The following PRMT3 variants were observed in gnomAD, a reference collection of about 807,000 sequenced individuals.
The protein encoded by PRMT3 is protein arginine methyltransferase 3.
A neutral mutation model predicts 71.9 loss-of-function variants in PRMT3; 62 were observed. The observed-to-expected ratio is 0.86, with a 90% confidence interval of 0.70 to 1.07. The LOEUF is 1.07. Ranked by LOEUF, PRMT3 falls within the 50% of genes least tolerant of loss-of-function variation. The pLI, the probability that PRMT3 is intolerant of heterozygous loss-of-function variation, is 0.00. For synonymous variants in PRMT3, 213 were observed against 220.4 expected (o/e 0.97, Z 0.30); for missense variants, 663 against 643.0 (o/e 1.03, Z -0.34).
At chr11:20,447,918 A>G (rs774934933) in intron 10 of PRMT3, among the ~76,000 whole-genome samples, 1 of 152,078 alleles carries the variant, frequency 6.6e-6, no homozygotes, top group Non-Finnish European at 1.5e-5. Context: ...CTTTGGAAAC[A>G]CTCAGGAAGA....
rs747760075 is a variant in PRMT3 at position 20,494,186 on chromosome 11, C to T, written c.1418C>T (p.Pro473Leu). 1 of 1,610,454 alleles carries T rather than the reference C, an allele frequency of 6.2e-7. No homozygotes were observed. The highest frequency in any genetic ancestry group is 1.7e-5 in the Admixed American group (1 of 59,962). The part of the protein sequence containing the change: ...CHNRVVFSTG[P>L]QSTKTHWKQT... ...ATTCAGGTCGTGTTCTCTACGGGCC[C>T]TCAGAGCACCAAAACACACTGGAAA... The change falls in exon 15 of 16, where the codon CCT becomes CTT. Residue 473 changes from proline to leucine, a missense_variant. Coordinates refer to ENST00000331079, the MANE Select transcript of PRMT3 (RefSeq NM_005788.4).
At chr11:20,440,917 T>C (rs1271724861) in intron 10 of PRMT3, among the ~76,000 whole-genome samples, 1 of 152,150 alleles carries the variant, frequency 6.6e-6, no homozygotes, top group African/African-American at 2.4e-5. Flanking sequence ...ATTGATAAAG[T>C]CTAATTTATC....
intron 9 of PRMT3, 65 bp from the exon 10 acceptor site, chr11:20,426,701 T>A: frequency 1.6e-5 from 21 of 1,333,030 alleles, no homozygotes; most frequent in Non-Finnish European, 2.0e-5. Flanking sequence ...TGGCAAAAAA[T>A]TATGTAATTT....
intron 13 of PRMT3, among the ~76,000 whole-genome samples, chr11:20,486,850 A>C (rs1020914101): frequency 6.6e-6 from 1 of 152,110 alleles, no homozygotes; most frequent in Non-Finnish European, 1.5e-5. Context: ...TGAGGTCAGG[A>C]GTTCAAGACC....
At chr11:20,505,167 T>G (rs1032851161) in intron 15 of PRMT3, among the ~76,000 whole-genome samples, 1 of 152,208 alleles carries the variant, frequency 6.6e-6, no homozygotes, top group Non-Finnish European at 1.5e-5. Flanking sequence ...TCTAGTAGCC[T>G]TCTTTGCATA....
chr11:20,387,968 C>T lies in PRMT3; in HGVS notation c.29-51C>T. 1 of 1,610,164 alleles carries T rather than the reference C, an allele frequency of 6.2e-7. No individual in the cohort carries two copies. The highest frequency in any genetic ancestry group is 8.5e-7 in the Non-Finnish European group (1 of 1,177,966). ...CATCGTCACCTGCTCCTCGAGCCCC[C>T]GGGCCGCACCGGTGTCCGAGGCCGA... On this transcript the variant is annotated intron_variant, in intron 1 of 15. Transcript: ENST00000331079. This position sits in a 1 kb window ranked among gnomAD's most constrained non-coding sequence, Gnocchi z 4.3.
chr11:20,446,445 C>T (rs1420588633), intron 10 of PRMT3, among the ~76,000 whole-genome samples: 1 of 151,664 alleles, frequency 6.6e-6, no homozygotes, highest in Non-Finnish European at 1.5e-5. Context: ...TCTTTTCAGA[C>T]TCTGTGACTT....
At chr11:20,411,093 A>G (rs1849183274) in intron 9 of PRMT3, among the ~76,000 whole-genome samples, 1 of 152,138 alleles carries the variant, frequency 6.6e-6, no homozygotes, top group Non-Finnish European at 1.5e-5. Context: ...ATTTTTATAT[A>G]GTAATAATGA....
chr11:20,474,974 AG>A (rs1373398553), intron 13 of PRMT3, among the ~76,000 whole-genome samples: 1 of 152,260 alleles, frequency 6.6e-6, no homozygotes, highest in African/African-American at 2.4e-5. Context: ...GGAAGGACAA[AG>A]GAAAAGAGGA....
At chr11:20,448,087 G>A (rs1389279603) in intron 10 of PRMT3, among the ~76,000 whole-genome samples, 5 of 152,064 alleles carry the variant, frequency 3.3e-5, no homozygotes, top group African/African-American at 1.2e-4. Flanking sequence ...AAGAGCCCGA[G>A]TAGGAGGGTG....
At chr11:20,417,592 T>C (rs1849335284) in intron 9 of PRMT3, among the ~76,000 whole-genome samples, 1 of 152,204 alleles carries the variant, frequency 6.6e-6, no homozygotes, top group African/African-American at 2.4e-5. Context: ...TTTAATCCTA[T>C]ATTTTTTATT....
intron 10 of PRMT3, among the ~76,000 whole-genome samples, chr11:20,434,961 A>G (rs1052448319): frequency 1.3e-5 from 2 of 152,196 alleles, no homozygotes; most frequent in African/African-American, 4.8e-5. Context: ...GAATCTATAC[A>G]TTGCTTTGGG....
chr11:20,395,757 T>C, intron 5 of PRMT3, 46 bp from the exon 6 acceptor site: 3 of 1,555,796 alleles, frequency 1.9e-6, no homozygotes, highest in Non-Finnish European at 1.8e-6. Flanking sequence ...ATACTTGTTT[T>C]ATTGTTATAA....
intron 15 of PRMT3, among the ~76,000 whole-genome samples, chr11:20,499,726 G>T (rs541198889): frequency 4.9e-4 from 75 of 152,178 alleles, no homozygotes; most frequent in African/African-American, 1.8e-3. Context: ...TTAAATTCAC[G>T]CTTAAATAGA....
At position 20,390,433 on chromosome 11, in the gene PRMT3, G is replaced by T. The variant is rs149896992; in HGVS notation, c.247+607G>T. Among the ~76,000 whole-genome samples the T allele has an allele frequency of 1.4e-3, 215 of 152,320 alleles. 1 individual carries two copies. The highest frequency in any genetic ancestry group is 2.6e-3 in the Non-Finnish European group (176 of 68,032). On this transcript the variant is annotated intron_variant, in intron 3 of 15. Transcript: ENST00000331079. ...ATTAGATTTAGGGAGAGCAAGTGTA[G>T]ATGTAGGACTTGAAAAAGGACGCAG...
intron 10 of PRMT3, among the ~76,000 whole-genome samples, chr11:20,447,036 G>A (rs1850046205): frequency 6.6e-6 from 1 of 152,108 alleles, no homozygotes; most frequent in African/African-American, 2.4e-5. Context: ...AGATGGAAGG[G>A]TCAAGTGATA....
At chr11:20,392,168 C>A in intron 3 of PRMT3, 43 bp from the exon 4 acceptor site, 1 of 1,544,658 alleles carries the variant, frequency 6.5e-7, no homozygotes. Context: ...TTAAACAAAA[C>A]TCATTATGTT....
intron 10 of PRMT3, among the ~76,000 whole-genome samples, chr11:20,439,476 A>G (rs1173273755): frequency 2.0e-5 from 3 of 152,276 alleles, no homozygotes; most frequent in Non-Finnish European, 4.4e-5. Flanking sequence ...TTTCATTAAC[A>G]TAGTTGTATA....
intron 9 of PRMT3, among the ~76,000 whole-genome samples, chr11:20,423,698 A>G (rs143174755): frequency 0.014 from 2,121 of 151,740 alleles, 65 homozygotes; most frequent in African/African-American, 0.048. Flanking sequence ...TGATTTTTTT[A>G]AGTATTAAAG....
Sources: gnomAD v4.1 joint callset for allele counts (sites outside exome capture counted in the v4.1 genomes callset) on GRCh38, gnomAD v4.1.1 for gene constraint, Gnocchi (gnomAD v3.1) non-coding constraint, MANE v1.5 for transcripts, NCBI Gene and HGNC (gene_info 2026-07-23, HGNC 2026-07-21) for gene names.